GALNT12: variants seen among roughly 807,000 people sequenced by gnomAD.
GALNT12 encodes polypeptide N-acetylgalactosaminyltransferase 12.
Under a neutral mutation model 55.5 loss-of-function variants are expected in GALNT12, and 45 were observed. That is an observed-to-expected ratio of 0.81 (90% CI 0.64 to 1.04). GALNT12 has a LOEUF of 1.04. GALNT12 is among the 50% of genes least tolerant of loss of function. GALNT12 has a pLI of 0.00. For synonymous variants in GALNT12, 304 were observed against 312.2 expected (o/e 0.97, Z 0.28); for missense variants, 709 against 754.8 (o/e 0.94, Z 0.71).
Position 98,813,311 on chromosome 9 carries a change from A to G in GALNT12, c.371+5242A>G, listed in dbSNP as rs186793282. 1.4e-4 allele frequency among the ~76,000 whole-genome samples: 21 copies of G among 152,300 alleles called. No homozygotes were observed. The East Asian group carries it at 3.7e-3, about 27-fold the overall frequency. On this transcript the variant is annotated intron_variant, in intron 1 of 9. Coordinates refer to ENST00000375011, the MANE Select transcript of GALNT12 (RefSeq NM_024642.5). ...CCATTGCTATGAGATGCCTACAGTG[A>G]CCCAGATCTCTCTGTCATTCTTGTT...
chr9:98,812,434 T>C (rs1307972975), intron 1 of GALNT12, among the ~76,000 whole-genome samples: 1 of 152,040 alleles, frequency 6.6e-6, no homozygotes, highest in Non-Finnish European at 1.5e-5. Flanking sequence ...GTACTAAAAA[T>C]AGAAAAATTA....
chr9:98,844,246 T>G, intron 8 of GALNT12, 37 bp downstream of exon 8: 1 of 1,327,870 alleles, frequency 7.5e-7, no homozygotes, highest in Non-Finnish European at 1.1e-6. Context: ...AAGCTGTGTG[T>G]TTTGTTAAAA....
In GALNT12 at chr9:98,844,072, A is replaced by G. The variant is rs184795611; in HGVS notation, c.1345-24A>G. 87 of 1,523,738 alleles carry G rather than the reference A, an allele frequency of 5.7e-5. No homozygotes were observed. The Admixed American group carries it at 1.5e-3, about 25-fold the overall frequency. 94.4% of individuals were successfully genotyped at this position (1,523,738 alleles called of 1,614,324 possible). Reference sequence around the variant, plus strand: ...TTAGTGTCTATAAATCTGGACTGAAATGCCACATTTATGTTTTATTTAGCT... The same window carrying G: ...TTAGTGTCTATAAATCTGGACTGAAGTGCCACATTTATGTTTTATTTAGCT... On this transcript the variant is annotated intron_variant, in intron 7 of 9. Coordinates refer to ENST00000375011, the MANE Select transcript of GALNT12 (RefSeq NM_024642.5).
intron 3 of GALNT12, among the ~76,000 whole-genome samples, chr9:98,830,855 T>C (rs1453003601): frequency 6.6e-6 from 1 of 152,222 alleles, no homozygotes; most frequent in Non-Finnish European, 1.5e-5. Flanking sequence ...GGTGTCATTC[T>C]AAGGACACCG....
chr9:98,835,086 C>T (rs954912228), intron 4 of GALNT12, among the ~76,000 whole-genome samples, 163 bp from the exon 5 acceptor site: 3 of 152,160 alleles, frequency 2.0e-5, no homozygotes, highest in Non-Finnish European at 2.9e-5. Flanking sequence ...TAGGGTACAT[C>T]TATGCCTCCA....
intron 1 of GALNT12, among the ~76,000 whole-genome samples, chr9:98,821,407 G>T (rs2118341354): frequency 6.6e-6 from 1 of 151,986 alleles, no homozygotes; most frequent in Admixed American, 6.5e-5. Context: ...GGATCACAAG[G>T]TCAGGAGATT....
Position 98,848,996 on chromosome 9 carries a change from T to A in GALNT12, c.1650T>A (p.Ala550=). Residue 550 remains alanine, a synonymous_variant, in exon 10 of 10, where the codon GCT becomes GCA. Transcript: ENST00000375011. ...FHEQSKKCVQ[A]ARKESSDSFV... ...AACAGTCCAAGAAATGTGTCCAGGC[T>A]GCGAGGAAGGAGTCGAGTGACAGTT... 6.2e-7 allele frequency: 1 copy of A among 1,614,232 alleles called. No homozygotes were observed. Among genetic ancestry groups the A allele is most frequent in the Non-Finnish European group, 8.5e-7 (1 of 1,180,014 alleles).
intron 8 of GALNT12, among the ~76,000 whole-genome samples, chr9:98,844,732 G>T (rs990626001): frequency 2.0e-5 from 3 of 152,162 alleles, no homozygotes; most frequent in African/African-American, 7.2e-5. Flanking sequence ...TTGCAAGGTG[G>T]TGTTTAGGGA....
intron 1 of GALNT12, among the ~76,000 whole-genome samples, chr9:98,813,774 A>T (rs1166634422): frequency 6.6e-6 from 1 of 151,690 alleles, no homozygotes; most frequent in African/African-American, 2.4e-5. Flanking sequence ...TGCTGGGATT[A>T]CGGGTGTGAG....
Position 98,844,306 on chromosome 9 carries a change from T to C in GALNT12, c.1458+97T>C, listed in dbSNP as rs375394980. ...TTGTAAAAGTAATATTTGGGAAATA[T>C]AAAAAGTAGAAGCCTAGGGTGGCCA... On this transcript the variant is annotated intron_variant, in intron 8 of 9. Coordinates refer to ENST00000375011, the MANE Select transcript of GALNT12 (RefSeq NM_024642.5). The C allele has an allele frequency of 2.0e-3, 1,710 of 856,414 alleles. 40 individuals carry two copies. In the South Asian group the frequency reaches 0.024, roughly 12 times the overall value. The allele number at this position is 856,414 out of a possible 1,614,324, so 53.1% of individuals were successfully genotyped here.
chr9:98,843,670 G>A (rs1836348690), intron 7 of GALNT12, among the ~76,000 whole-genome samples: 1 of 152,194 alleles, frequency 6.6e-6, no homozygotes, highest in Non-Finnish European at 1.5e-5. Context: ...GTCTCCCAAA[G>A]TGCTGGGATC....
chr9:98,830,287 C>G (rs1835962263), intron 3 of GALNT12, among the ~76,000 whole-genome samples: 1 of 152,174 alleles, frequency 6.6e-6, no homozygotes, highest in African/African-American at 2.4e-5. Flanking sequence ...AGTGGTAACC[C>G]TTTCCATCCA....
At chr9:98,814,767 C>T (rs1290997160) in intron 1 of GALNT12, among the ~76,000 whole-genome samples, 1 of 151,890 alleles carries the variant, frequency 6.6e-6, no homozygotes, top group African/African-American at 2.4e-5. Context: ...AGTAAATATT[C>T]TACCAGCAGA....
In GALNT12 at chr9:98,807,861, A is replaced by ACCCCGCGCC. The variant is rs1379414621; in HGVS notation, c.166_174dup (p.Pro56_Pro58dup). ...GGCTGCCGAGCCGGGACCCCCGCGCACCCCGCGCCCCGGGCGGCGCGAGCC... is the reference window on the plus strand; with the variant it reads ...GGCTGCCGAGCCGGGACCCCCGCGCACCCCGCGCCCCCCGCGCCCCGGGCGGCGCGAGCC... On this transcript the variant is annotated inframe_insertion, in exon 1 of 10. Coordinates refer to ENST00000375011, the MANE Select transcript of GALNT12 (RefSeq NM_024642.5). 24 of 1,009,686 alleles carry ACCCCGCGCC rather than the reference A, an allele frequency of 2.4e-5. No homozygotes were observed. Among genetic ancestry groups the ACCCCGCGCC allele is most frequent in the Admixed American group, 1.8e-4 (3 of 16,850 alleles). 62.5% of individuals were successfully genotyped at this position (1,009,686 alleles called of 1,614,324 possible). A position where few individuals can be genotyped will look rare whatever the true frequency, so the allele number is the denominator to read the frequency against.
At chr9:98,828,145 G>T (rs1178436591) in intron 3 of GALNT12, among the ~76,000 whole-genome samples, 1 of 152,168 alleles carries the variant, frequency 6.6e-6, no homozygotes, top group Non-Finnish European at 1.5e-5. Flanking sequence ...CTGCAGCTGG[G>T]GAACTGCTTC....
chr9:98,814,089 T>G (rs1835559126), intron 1 of GALNT12, among the ~76,000 whole-genome samples: 1 of 152,174 alleles, frequency 6.6e-6, no homozygotes, highest in South Asian at 2.1e-4. Flanking sequence ...GGGACTCAAT[T>G]GATGTCATCA....
intron 5 of GALNT12, among the ~76,000 whole-genome samples, chr9:98,836,603 T>G (rs1836153195): frequency 6.6e-6 from 1 of 152,180 alleles, no homozygotes; most frequent in Non-Finnish European, 1.5e-5. Flanking sequence ...CCTCTTTTCT[T>G]CCTTGCTGCT....
chr9:98,848,687 T>G, intron 9 of GALNT12: 1 of 510,360 alleles, frequency 2.0e-6, no homozygotes, highest in Non-Finnish European at 3.6e-6. Context: ...CCAAATGCAA[T>G]AGGGAGATGT....
chr9:98,828,685 G>A (rs1588447839), intron 3 of GALNT12, among the ~76,000 whole-genome samples: 3 of 152,304 alleles, frequency 2.0e-5, no homozygotes, highest in East Asian at 1.9e-4. Flanking sequence ...TTTAATTGTT[G>A]TGGGTAAATA....
Sources: allele counts gnomAD v4.1 joint callset (sites outside exome capture counted in the v4.1 genomes callset), GRCh38; gene constraint gnomAD v4.1.1; transcripts MANE v1.5; gene names NCBI Gene and HGNC (gene_info 2026-07-23, HGNC 2026-07-21).